Variants in RFTN2 observed in about 807,000 individuals in gnomAD.
The protein encoded by RFTN2 is raftlin family member 2.
RFTN2 carries 34 observed loss-of-function variants against 52.7 expected under a neutral mutation model. That is an observed-to-expected ratio of 0.64 (90% CI 0.49 to 0.86). The LOEUF (loss-of-function observed/expected upper bound fraction) is 0.86, where lower values mean the gene tolerates loss of function less well. Ranked by LOEUF, RFTN2 falls within the 40% of genes least tolerant of loss-of-function variation. The pLI is 0.00. For synonymous variants in RFTN2, 203 were observed against 217.7 expected (o/e 0.93, Z 0.59); for missense variants, 536 against 600.1 (o/e 0.89, Z 1.12).
intron 4 of RFTN2, among the ~76,000 whole-genome samples, chr2:197,631,760 T>G (rs1559356763): frequency 6.6e-6 from 1 of 152,154 alleles, no homozygotes; most frequent in Non-Finnish European, 1.5e-5. Context: ...TGTGTGAGAG[T>G]GACCCTAGAA....
intron 2 of RFTN2, among the ~76,000 whole-genome samples, chr2:197,644,684 G>A (rs1221175075): frequency 2.0e-5 from 3 of 152,054 alleles, no homozygotes; most frequent in African/African-American, 7.3e-5. Context: ...GGCTTGCCAG[G>A]GTACTGCTAA....
At chr2:197,582,694 T>C (rs555557048) in intron 8 of RFTN2, among the ~76,000 whole-genome samples, 2 of 152,330 alleles carry the variant, frequency 1.3e-5, no homozygotes, top group Non-Finnish European at 1.5e-5. Context: ...TGCTGTTATA[T>C]GGGCAGAAAG....
At chr2:197,628,664 CCT>C (rs1553602839) in intron 5 of RFTN2, among the ~76,000 whole-genome samples, 1 of 152,048 alleles carries the variant, frequency 6.6e-6, no homozygotes, top group Non-Finnish European at 1.5e-5. Flanking sequence ...CATAAACCAA[CCT>C]CTAAATAGAT....
chr2:197,638,678 C>T (rs1202361298), intron 3 of RFTN2, among the ~76,000 whole-genome samples: 168 of 148,982 alleles, frequency 1.1e-3, no homozygotes, highest in Middle Eastern at 3.4e-3. Context: ...ACTGATGGGT[C>T]TTGACTCTTT....
rs577998942 is a variant in RFTN2 at position 197,603,182 on chromosome 2, C to T, written c.1155-7113G>A. Reference sequence around the variant, plus strand: ...GGCACATGTATACATGCACGTTGTGCACATGTACCCTAAAACTTAAAGTAT... The same window carrying T: ...GGCACATGTATACATGCACGTTGTGTACATGTACCCTAAAACTTAAAGTAT... On this transcript the variant is annotated intron_variant, in intron 7 of 8. Transcript: ENST00000295049. Among the ~76,000 whole-genome samples, 5 of 152,248 alleles carry T rather than the reference C, an allele frequency of 3.3e-5. No homozygotes were observed. The East Asian group carries it at 7.7e-4, about 24-fold the overall frequency.
chr2:197,659,486 A>G lies in RFTN2; in HGVS notation c.140-12820T>C, dbSNP rs1486864271. Among the ~76,000 whole-genome samples, 6 of 151,494 alleles carry G rather than the reference A, an allele frequency of 4.0e-5. No individual in the cohort carries two copies. The East Asian group carries it at 1.2e-3, about 29-fold the overall frequency. On this transcript the variant is annotated intron_variant, in intron 1 of 8. Transcript: ENST00000295049. ...GCAAGACTCCATCTCATAAAAAAAA[A>G]AAAAAAAAAAAAAGAAATATTATTT...
rs772781506 is a variant in RFTN2 at position 197,617,886 on chromosome 2, T to C, written c.964A>G (p.Ile322Val). The C allele has an allele frequency of 6.2e-7, 1 of 1,610,018 alleles. No homozygotes were observed. ...ACTCCAGAACCTTCTTCTTCATAGA[T>C]AAAAAATCCTTCCAAAGATTTAGGC... Reference protein sequence around the residue: ...HLPKSLEGFFIYEEEGSGVPG... With the variant: ...HLPKSLEGFFVYEEEGSGVPG... The change falls in exon 6 of 9, where the codon ATC (isoleucine) becomes GTC (valine). Residue 322 changes from isoleucine (I) to valine (V), a missense_variant. By Grantham distance (29) the Ile-to-Val change is conservative (BLOSUM62 3). Transcript: ENST00000295049.
chr2:197,577,399 C>A (rs2087436395), intron 8 of RFTN2, among the ~76,000 whole-genome samples: 1 of 152,220 alleles, frequency 6.6e-6, no homozygotes, highest in South Asian at 2.1e-4. Context: ...CCATTGGCAC[C>A]CTTGCATTCA....
At chr2:197,641,042 T>C (rs564281714) in intron 3 of RFTN2, among the ~76,000 whole-genome samples, 1 of 152,356 alleles carries the variant, frequency 6.6e-6, no homozygotes, top group Non-Finnish European at 1.5e-5. Flanking sequence ...GTCTTTTATA[T>C]GGCTACTGTT....
intron 7 of RFTN2, 74 bp from the exon 8 acceptor site, chr2:197,596,143 C>T (rs1369369957): frequency 2.6e-6 from 2 of 764,170 alleles, no homozygotes; most frequent in East Asian, 5.8e-5. Context: ...CTAGAACATT[C>T]CATATGTAGT....
intron 8 of RFTN2, among the ~76,000 whole-genome samples, chr2:197,574,695 T>C (rs1574671399): frequency 6.6e-6 from 1 of 152,002 alleles, no homozygotes; most frequent in African/African-American, 2.4e-5. Flanking sequence ...TGGTGAAACC[T>C]CATCTCTACT....
At chr2:197,579,002 C>T (rs943208997) in intron 8 of RFTN2, among the ~76,000 whole-genome samples, 9 of 152,188 alleles carry the variant, frequency 5.9e-5, no homozygotes, top group African/African-American at 2.2e-4. Context: ...TTGGTGCCAC[C>T]CTTCAATCTC....
At chr2:197,586,630 T>C (rs2087603229) in intron 8 of RFTN2, among the ~76,000 whole-genome samples, 1 of 152,202 alleles carries the variant, frequency 6.6e-6, no homozygotes, top group Non-Finnish European at 1.5e-5. Flanking sequence ...ATTCCCTTGC[T>C]TGTCAGTTTA....
intron 5 of RFTN2, among the ~76,000 whole-genome samples, chr2:197,629,696 A>ACACACACACACACACACC (rs1325493901): frequency 6.7e-5 from 9 of 134,556 alleles, no homozygotes; most frequent in African/African-American, 2.3e-4. Context: ...ACACACACAC[A>ACACACACACACACACACC]CACATATTTA....
chr2:197,606,922 C>A (rs541702164), intron 7 of RFTN2, among the ~76,000 whole-genome samples: 3 of 152,140 alleles, frequency 2.0e-5, no homozygotes, highest in African/African-American at 7.2e-5. Flanking sequence ...GTCAGTGTGG[C>A]GATTCCTCAG....
intron 3 of RFTN2, among the ~76,000 whole-genome samples, chr2:197,638,881 T>C (rs1043904426): frequency 1.3e-5 from 2 of 151,102 alleles, no homozygotes; most frequent in African/African-American, 2.4e-5. Context: ...CTGGTACCGG[T>C]TGTTCCTTTC....
chr2:197,582,683 A>C (rs1249169382), intron 8 of RFTN2, among the ~76,000 whole-genome samples: 2 of 152,172 alleles, frequency 1.3e-5, no homozygotes, highest in African/African-American at 4.8e-5. Flanking sequence ...CCACACCACC[A>C]TGCTGTTATA....
At chr2:197,597,810 G>A (rs1274758613) in intron 7 of RFTN2, among the ~76,000 whole-genome samples, 5 of 152,212 alleles carry the variant, frequency 3.3e-5, no homozygotes, top group Middle Eastern at 3.4e-3. Context: ...GAGCCACTGC[G>A]CCCAGCCTCT....
At chr2:197,627,188 C>T (rs1377182980) in intron 5 of RFTN2, among the ~76,000 whole-genome samples, 1 of 152,132 alleles carries the variant, frequency 6.6e-6, no homozygotes, top group Non-Finnish European at 1.5e-5. Flanking sequence ...AGATGTGTTT[C>T]TCCGGCCTAG....
Sources: allele counts gnomAD v4.1 joint callset (sites outside exome capture counted in the v4.1 genomes callset), GRCh38; gene constraint gnomAD v4.1.1; transcripts MANE v1.5; gene names NCBI Gene and HGNC (gene_info 2026-07-23, HGNC 2026-07-21).